The following ITGB3BP variants were observed in gnomAD, a reference collection of about 807,000 sequenced individuals.
The protein encoded by ITGB3BP is centromere protein R.
ITGB3BP carries 27 observed loss-of-function variants against 29.1 expected under a neutral mutation model. The observed-to-expected ratio is 0.93, with a 90% CI of 0.68 to 1.28. ITGB3BP has a LOEUF of 1.28. ITGB3BP is among the 50% of genes most tolerant of loss of function. The pLI is 0.00. For missense variants in ITGB3BP, 192 were observed against 200.2 expected, an observed-to-expected ratio of 0.96 and a Z score of 0.25; for synonymous variants, 61 against 61.4, an observed-to-expected ratio of 0.99 and a Z score of 0.03.
intron 4 of ITGB3BP, among the ~76,000 whole-genome samples, chr1:63,475,123 C>T (rs927960226): frequency 3.9e-5 from 6 of 151,954 alleles, no homozygotes; most frequent in Admixed American, 2.0e-4. Flanking sequence ...CACAGGTGTG[C>T]ACAACCACAC....
intron 2 of ITGB3BP, among the ~76,000 whole-genome samples, chr1:63,494,814 T>C (rs567692243): frequency 5.9e-4 from 90 of 152,308 alleles, no homozygotes; most frequent in African/African-American, 2.1e-3. Context: ...TAATTTTGTT[T>C]TCCTAAGAGA....
In ITGB3BP at chr1:63,507,292, A is replaced by G. The variant is rs147172321; in HGVS notation, c.48+1236T>C. 2.2e-3 allele frequency among the ~76,000 whole-genome samples: 340 copies of G among 152,300 alleles called. 1 individual carries two copies. Among genetic ancestry groups the G allele is most frequent in the African/African-American group, 7.7e-3 (319 of 41,588 alleles). On this transcript the variant is annotated intron_variant, in intron 2 of 8. Coordinates refer to ENST00000271002, the MANE Select transcript of ITGB3BP (RefSeq NM_014288.5). ...TGTTGAAAGGTACAGAACTGGGCCA[A>G]ACATAACAATGTATTTTTCTAATAC...
At chr1:63,484,404 G>C (rs1352051486) in intron 3 of ITGB3BP, among the ~76,000 whole-genome samples, 3 of 152,026 alleles carry the variant, frequency 2.0e-5, no homozygotes, top group African/African-American at 4.8e-5. Context: ...AACTGCTTTA[G>C]TATAATGTAG....
chr1:63,465,843 C>T (rs1354752440), intron 4 of ITGB3BP, among the ~76,000 whole-genome samples: 7 of 152,048 alleles, frequency 4.6e-5, no homozygotes, highest in South Asian at 2.1e-4. Context: ...TATTCAAATT[C>T]GTAGTTTTAC....
Position 63,444,434 on chromosome 1 carries a change from G to GAT in ITGB3BP, c.*1+2370_*1+2371dup, listed in dbSNP as rs1295845066. ...AGTGTATGTGGATGGATATATATAA[G>GAT]ATATATATATCCTATATATATATTA... On this transcript the variant is annotated intron_variant, in intron 8 of 8. Transcript: ENST00000271002. Among the ~76,000 whole-genome samples the GAT allele has an allele frequency of 5.5e-5, 8 of 145,414 alleles. No homozygotes were observed. In the South Asian group the frequency reaches 1.5e-3, roughly 27 times the overall value.
At chr1:63,483,727 T>TATA (rs1362788302) in intron 3 of ITGB3BP, among the ~76,000 whole-genome samples, 2 of 152,202 alleles carry the variant, frequency 1.3e-5, no homozygotes, top group African/African-American at 4.8e-5. Flanking sequence ...ACAAACCACA[T>TATA]ATATGACAGT....
upstream of ITGB3BP, chr1:63,525,774 T>G (rs772294655): frequency 2.3e-5 from 35 of 1,500,894 alleles, no homozygotes; most frequent in African/African-American, 1.3e-4. Context: ...ATTTTTAAAA[T>G]TTTTAAATCT....
chr1:63,510,583 A>G (rs183309630), intron 1 of ITGB3BP, among the ~76,000 whole-genome samples: 1 of 152,354 alleles, frequency 6.6e-6, no homozygotes, highest in Non-Finnish European at 1.5e-5. Flanking sequence ...ACCAAAAGTT[A>G]TAATACTTAA....
rs191422713 is a variant in ITGB3BP, at chr1:63,456,098, A to G, written c.255-1130T>C. Among the ~76,000 whole-genome samples, 530 of 152,234 alleles carry G rather than the reference A, an allele frequency of 3.5e-3. 3 individuals are homozygous for G. The highest frequency in any genetic ancestry group is 0.011 in the African/African-American group (470 of 41,558). On this transcript the variant is annotated intron_variant, in intron 4 of 8. Transcript: ENST00000271002. ...AACAGCATAAATCCATATAGATTTTATGAGAGAAACCAGAAATTCTATTTA... is the reference window on the plus strand; with the variant it reads ...AACAGCATAAATCCATATAGATTTTGTGAGAGAAACCAGAAATTCTATTTA...
chr1:63,471,898 C>G (rs1645203731), intron 4 of ITGB3BP, among the ~76,000 whole-genome samples: 1 of 152,008 alleles, frequency 6.6e-6, no homozygotes, highest in South Asian at 2.1e-4. Context: ...GATTCTTCTG[C>G]CTCAGCCTCC....
intron 2 of ITGB3BP, among the ~76,000 whole-genome samples, chr1:63,497,195 C>T (rs1462240119): frequency 2.6e-5 from 4 of 152,072 alleles, no homozygotes; most frequent in East Asian, 1.9e-4. Context: ...GTCCTAGCTA[C>T]TCGGGAGGTT....
At chr1:63,448,544 T>G (rs1644820664) in intron 7 of ITGB3BP, among the ~76,000 whole-genome samples, 2 of 152,068 alleles carry the variant, frequency 1.3e-5, no homozygotes, top group Non-Finnish European at 2.9e-5. Flanking sequence ...ACTAGTTATA[T>G]AATACTATAA....
intron 1 of ITGB3BP, among the ~76,000 whole-genome samples, chr1:63,520,849 A>G (rs1378264840): frequency 6.6e-6 from 1 of 152,184 alleles, no homozygotes. Context: ...TAATCTTATC[A>G]TATACATATA....
chr1:63,527,179 C>T (rs1646607943), upstream of ITGB3BP, among the ~76,000 whole-genome samples: 1 of 152,166 alleles, frequency 6.6e-6, no homozygotes, highest in Non-Finnish European at 1.5e-5. Flanking sequence ...AAAAGTTTAA[C>T]ATGCCTTCCA....
Position 63,440,958 on chromosome 1 carries a change from G to C in ITGB3BP, c.*147C>G, listed in dbSNP as rs1570101832. On this transcript the variant is annotated 3_prime_UTR_variant, in exon 9 of 9. Transcript: ENST00000271002. ...TGTAGAAAGTTTAAATTAGCTGCAA[G>C]AAATTTTATCTAGACATGCACCTGC... The C allele has an allele frequency of 6.6e-6, 1 of 152,594 alleles. No homozygotes were observed. Among genetic ancestry groups the C allele is most frequent in the East Asian group, 1.9e-4 (1 of 5,198 alleles). The allele number at this position is 152,594 out of a possible 1,614,324, so 9.5% of individuals were successfully genotyped here.
chr1:63,468,292 T>C (rs1256792798), intron 4 of ITGB3BP, among the ~76,000 whole-genome samples: 1 of 152,138 alleles, frequency 6.6e-6, no homozygotes, highest in Non-Finnish European at 1.5e-5. Context: ...ATGTAAGACT[T>C]TGGTAGTCTT....
intron 2 of ITGB3BP, among the ~76,000 whole-genome samples, chr1:63,490,504 C>G (rs141933972): frequency 6.6e-6 from 1 of 152,042 alleles, no homozygotes; most frequent in African/African-American, 2.4e-5. Flanking sequence ...TAGAGATGGC[C>G]AACTCTCCCA....
At chr1:63,510,077 C>A in intron 1 of ITGB3BP, 1 of 609,490 alleles carries the variant, frequency 1.6e-6, no homozygotes, top group South Asian at 1.8e-5. Context: ...GTAATCCCAA[C>A]TACTCCCAAG....
intron 2 of ITGB3BP, among the ~76,000 whole-genome samples, chr1:63,506,014 T>C (rs1030587032): frequency 2.0e-5 from 3 of 152,234 alleles, no homozygotes; most frequent in Non-Finnish European, 4.4e-5. Flanking sequence ...GAGAGTTCTG[T>C]AGATGTCTAT....
Sources: gnomAD v4.1 joint callset for allele counts (sites outside exome capture counted in the v4.1 genomes callset) on GRCh38, gnomAD v4.1.1 for gene constraint, MANE v1.5 for transcripts, NCBI Gene and HGNC (gene_info 2026-07-23, HGNC 2026-07-21) for gene names.